The following XRCC4 variants were observed in gnomAD, a reference collection of about 807,000 sequenced individuals.
XRCC4 encodes X-ray repair cross complementing 4.
A neutral mutation model predicts 39.1 loss-of-function variants in XRCC4; 28 were observed. That is an observed-to-expected ratio of 0.72 (90% CI 0.53 to 0.98). The LOEUF is 0.98. Among genes scored for constraint, XRCC4 ranks in the 50% least tolerant of loss-of-function variants. The pLI, the probability that XRCC4 is intolerant of heterozygous loss-of-function variation, is 0.00. For missense variants in XRCC4, 350 were observed against 376.4 expected (o/e 0.93, Z 0.58); for synonymous variants, 123 against 126.4 (o/e 0.97, Z 0.18).
chr5:83,103,009 G>GATAGATATATATATATATATATAT (rs1554054064), intron 1 of XRCC4, among the ~76,000 whole-genome samples: 1 of 106,464 alleles, frequency 9.4e-6, no homozygotes, highest in Admixed American at 9.4e-5. Context: ...AGATAGAGCT[G>GATAGATATATATATATATATATAT]ATATATATAT....
rs199551802 is a variant in XRCC4 at position 83,203,537 on chromosome 5, T to C, written c.483-15T>C. ...GAACTGCATGACTAATTTGTTTACT[T>C]ATTTACTTTTTTAGATTTGAAAAAT... is the stretch of plus-strand genomic sequence containing the variant. On this transcript the variant is annotated splice_polypyrimidine_tract_variant and intron_variant, in intron 4 of 7. Coordinates refer to ENST00000396027, the MANE Select transcript of XRCC4 (RefSeq NM_003401.5). 1.3e-6 allele frequency: 2 copies of C among 1,574,504 alleles called. No individual in the cohort carries two copies. Among genetic ancestry groups the C allele is most frequent in the Non-Finnish European group, 8.6e-7 (1 of 1,166,186 alleles).
chr5:83,371,014 G>A, the XRCC4 span, among the ~76,000 whole-genome samples: 1 of 152,106 alleles, frequency 6.6e-6, no homozygotes, highest in African/African-American at 2.4e-5. Context: ...AGCATATGGT[G>A]CCTCCTTACT....
intron 3 of XRCC4, among the ~76,000 whole-genome samples, chr5:83,178,266 A>G (rs1220370434): frequency 6.6e-6 from 1 of 152,136 alleles, no homozygotes; most frequent in Non-Finnish European, 1.5e-5. Context: ...GCTAGTAGAA[A>G]GCTTAGTGTA....
chr5:83,078,315 G>C (rs1744767943), intron 1 of XRCC4, among the ~76,000 whole-genome samples: 1 of 152,220 alleles, frequency 6.6e-6, no homozygotes, highest in Admixed American at 6.5e-5. Context: ...AATTTGCGTA[G>C]TTCTTGGAAT....
intron 6 of XRCC4, among the ~76,000 whole-genome samples, chr5:83,220,631 G>A (rs1425635960): frequency 1.3e-5 from 2 of 152,056 alleles, no homozygotes; most frequent in Non-Finnish European, 2.9e-5. Context: ...CAAGTATGGT[G>A]GCCAGAAGAA....
At chr5:83,322,864 C>G (rs959425587) in intron 7 of XRCC4, among the ~76,000 whole-genome samples, 2 of 152,254 alleles carry the variant, frequency 1.3e-5, no homozygotes, top group African/African-American at 2.4e-5. Context: ...TGATTTCAGA[C>G]TTCTGGACTC....
intron 7 of XRCC4, among the ~76,000 whole-genome samples, chr5:83,344,856 C>G (rs545755350): frequency 1.3e-5 from 2 of 152,272 alleles, no homozygotes; most frequent in Admixed American, 1.3e-4. Flanking sequence ...TGGTTTCAAA[C>G]ATTTGCACTC....
chr5:83,096,479 C>CCCCT (rs1745685143), intron 1 of XRCC4, among the ~76,000 whole-genome samples: 1 of 152,048 alleles, frequency 6.6e-6, no homozygotes, highest in Non-Finnish European at 1.5e-5. Context: ...GAAGCCAAGC[C>CCCCT]GTTTGGGGAA....
rs142204108 is a variant in XRCC4, at chr5:83,081,899, C to A, written c.-11+4284C>A. ...TTGAACTCAGATGTCCCAGACCGAA[C>A]TCCTTTCCTCCCAAACCTTTCCCAT... On this transcript the variant is annotated intron_variant, in intron 1 of 7. Coordinates refer to ENST00000396027, the MANE Select transcript of XRCC4 (RefSeq NM_003401.5). 4.5e-3 allele frequency among the ~76,000 whole-genome samples: 692 copies of A among 152,290 alleles called. 7 individuals carry two copies. Among genetic ancestry groups the A allele is most frequent in the African/African-American group, 0.016 (653 of 41,562 alleles).
chr5:83,301,359 G>A (rs1479093465), intron 7 of XRCC4, among the ~76,000 whole-genome samples: 1 of 151,952 alleles, frequency 6.6e-6, no homozygotes, highest in Non-Finnish European at 1.5e-5. Context: ...TATGTTTGTT[G>A]GCCATATAAA....
chr5:83,122,882 A>G (rs139634582), intron 3 of XRCC4, among the ~76,000 whole-genome samples: 130 of 152,246 alleles, frequency 8.5e-4, no homozygotes, highest in African/African-American at 3.0e-3. Context: ...ATTTAGGTCC[A>G]TTGTTGTTAG....
At chr5:83,121,375 G>A (rs142024749) in intron 3 of XRCC4, among the ~76,000 whole-genome samples, 85 of 152,198 alleles carry the variant, frequency 5.6e-4, no homozygotes, top group South Asian at 3.9e-3. Flanking sequence ...CATAGAGTTC[G>A]TACTATTTTA....
intron 6 of XRCC4, among the ~76,000 whole-genome samples, chr5:83,231,388 A>T (rs1752489867): frequency 6.6e-6 from 1 of 152,034 alleles, no homozygotes. Context: ...TTTAGCGTTA[A>T]TTCTGCATCA....
intron 3 of XRCC4, among the ~76,000 whole-genome samples, chr5:83,151,441 T>G (rs893481854): frequency 6.6e-6 from 1 of 152,156 alleles, no homozygotes; most frequent in East Asian, 1.9e-4. Flanking sequence ...ATGTTTTCCT[T>G]TGCAAAAAGG....
intron 6 of XRCC4, among the ~76,000 whole-genome samples, chr5:83,245,874 T>A (rs2112859657): frequency 6.8e-6 from 1 of 147,726 alleles, no homozygotes; most frequent in South Asian, 2.2e-4. Context: ...TCTCTTAATC[T>A]CCTCTACTTC....
intron 6 of XRCC4, among the ~76,000 whole-genome samples, chr5:83,232,539 C>T (rs1752531785): frequency 6.6e-6 from 1 of 151,852 alleles, no homozygotes. Flanking sequence ...GTTTTCAGAC[C>T]AAGTAAAAGA....
intron 3 of XRCC4, among the ~76,000 whole-genome samples, chr5:83,133,892 C>G (rs1161740180): frequency 6.6e-6 from 1 of 152,206 alleles, no homozygotes; most frequent in East Asian, 1.9e-4. Context: ...ATGAGGGCCC[C>G]TCTCTGGTGC....
At chr5:83,166,202 A>C (rs1193187478) in intron 3 of XRCC4, among the ~76,000 whole-genome samples, 1 of 151,862 alleles carries the variant, frequency 6.6e-6, no homozygotes, top group African/African-American at 2.4e-5. Context: ...TTTCTTATCC[A>C]TTATATCATT....
intron 7 of XRCC4, among the ~76,000 whole-genome samples, chr5:83,277,629 A>C (rs997403999): frequency 6.6e-6 from 1 of 152,242 alleles, no homozygotes; most frequent in African/African-American, 2.4e-5. Flanking sequence ...TAAAAATAAG[A>C]AACTATAAAA....
Sources: allele counts gnomAD v4.1 joint callset (sites outside exome capture counted in the v4.1 genomes callset), GRCh38; gene constraint gnomAD v4.1.1; transcripts MANE v1.5; gene names NCBI Gene and HGNC (gene_info 2026-07-23, HGNC 2026-07-21).